Variants in PRIM2 observed in about 807,000 individuals in gnomAD.
The protein encoded by PRIM2 is DNA primase subunit 2, also known as DNA primase large subunit.
A neutral mutation model predicts 67.3 loss-of-function variants in PRIM2; 39 were observed. That is an observed-to-expected ratio of 0.58 (90% CI 0.45 to 0.76). The LOEUF is 0.76. Ranked by LOEUF, PRIM2 falls within the 30% of genes least tolerant of loss-of-function variation. The pLI is 0.00. For synonymous variants in PRIM2, 143 were observed against 198.7 expected (o/e 0.72, Z 2.36); for missense variants, 398 against 598.7 (o/e 0.66, Z 3.50).
chr6:57,459,245 A>T (rs1772917181), intron 7 of PRIM2, among the ~76,000 whole-genome samples: 2 of 152,204 alleles, frequency 1.3e-5, no homozygotes, highest in Admixed American at 1.3e-4. Context: ...TGCTCAGGGT[A>T]GCACTCAACA....
upstream of PRIM2, among the ~76,000 whole-genome samples, chr6:57,315,651 G>A (rs532695343): frequency 2.9e-4 from 44 of 152,022 alleles, no homozygotes; most frequent in Middle Eastern, 3.4e-3. Context: ...TTGTGTCTTA[G>A]GATTTTTTTC....
intron 8 of PRIM2, among the ~76,000 whole-genome samples, chr6:57,512,604 T>C (rs1299789907): frequency 7.0e-6 from 1 of 142,646 alleles, no homozygotes; most frequent in Non-Finnish European, 1.5e-5. Flanking sequence ...TTTCTTTTCT[T>C]TTTTTTTGAG....
At chr6:57,452,769 G>A (rs1437632196) in intron 7 of PRIM2, among the ~76,000 whole-genome samples, 1 of 87,166 alleles carries the variant, frequency 1.1e-5, no homozygotes, top group African/African-American at 4.2e-5. Flanking sequence ...CTTTTGCTGT[G>A]CAGAAGCTCT....
chr6:57,501,024 T>A (rs1774119102), intron 7 of PRIM2, among the ~76,000 whole-genome samples: 1 of 152,184 alleles, frequency 6.6e-6, no homozygotes, highest in Non-Finnish European at 1.5e-5. Context: ...GCTTTCACTG[T>A]CCCTAGTCTC....
At chr6:57,267,990 A>G in the PRIM2 span, among the ~76,000 whole-genome samples, 2 of 152,108 alleles carry the variant, frequency 1.3e-5, 1 homozygote, top group Non-Finnish European at 2.9e-5. Context: ...ATGAGAACAG[A>G]AACATAATCC....
intron 12 of PRIM2, among the ~76,000 whole-genome samples, chr6:57,610,181 G>A (rs1260688380): frequency 2.6e-5 from 4 of 152,026 alleles, no homozygotes; most frequent in African/African-American, 7.2e-5. Flanking sequence ...TGATTCTCCC[G>A]CCTCAGCATC....
chr6:57,557,315 C>T (rs1466665397), intron 10 of PRIM2, among the ~76,000 whole-genome samples: 12 of 151,206 alleles, frequency 7.9e-5, no homozygotes, highest in Non-Finnish European at 1.5e-4. Flanking sequence ...GACATATGCA[C>T]GCGAATGTTC....
At chr6:57,432,126 C>A (rs1771853647) in intron 7 of PRIM2, among the ~76,000 whole-genome samples, 1 of 152,044 alleles carries the variant, frequency 6.6e-6, no homozygotes, top group Non-Finnish European at 1.5e-5. Flanking sequence ...TTTGAGGTTT[C>A]TTTTTGTTTG....
At chr6:57,626,620 A>G (rs1776952364) in intron 12 of PRIM2, among the ~76,000 whole-genome samples, 1 of 149,924 alleles carries the variant, frequency 6.7e-6, no homozygotes, top group Non-Finnish European at 1.5e-5. Context: ...TGAAAACTGC[A>G]TTGCTTTTTT....
At chr6:57,485,928 T>C (rs1773742776) in intron 7 of PRIM2, among the ~76,000 whole-genome samples, 1 of 152,154 alleles carries the variant, frequency 6.6e-6, no homozygotes, top group Admixed American at 6.5e-5. Flanking sequence ...CAAAGCAGCA[T>C]AGGAGTGTGT....
chr6:57,578,173 A>G (rs1414926262), intron 10 of PRIM2, among the ~76,000 whole-genome samples: 1 of 152,196 alleles, frequency 6.6e-6, no homozygotes, highest in African/African-American at 2.4e-5. Context: ...CTCTAAGGGC[A>G]TGTGATATCA....
chr6:57,580,693 T>G (rs1356747391), intron 10 of PRIM2, among the ~76,000 whole-genome samples: 2 of 152,194 alleles, frequency 1.3e-5, no homozygotes, highest in Admixed American at 1.3e-4. Context: ...GTCAAAGAAT[T>G]CTTTCAAGGT....
At chr6:57,641,394 C>G (rs1777230747) in intron 13 of PRIM2, among the ~76,000 whole-genome samples, 1 of 152,094 alleles carries the variant, frequency 6.6e-6, no homozygotes, top group Non-Finnish European at 1.5e-5. Context: ...TAAATGAGAT[C>G]TAATTAAACT....
At chr6:57,355,382 T>G (rs1768999605) in intron 5 of PRIM2, among the ~76,000 whole-genome samples, 1 of 151,786 alleles carries the variant, frequency 6.6e-6, no homozygotes, top group Non-Finnish European at 1.5e-5. Context: ...GCTCCCTTTA[T>G]AGGTTACCAA....
chr6:57,255,179 G>A, the PRIM2 span, among the ~76,000 whole-genome samples: 2 of 151,924 alleles, frequency 1.3e-5, no homozygotes, highest in Non-Finnish European at 2.9e-5. Flanking sequence ...CCATACTGCC[G>A]AGGATCCATA....
chr6:57,244,160 C>T, the PRIM2 span, among the ~76,000 whole-genome samples: 28 of 152,154 alleles, frequency 1.8e-4, no homozygotes, highest in Admixed American at 1.8e-3. Flanking sequence ...AGAAACCAGC[C>T]ATATTGACCG....
chr6:57,229,694 G>A, the PRIM2 span, among the ~76,000 whole-genome samples: 1 of 152,092 alleles, frequency 6.6e-6, no homozygotes, highest in African/African-American at 2.4e-5. Flanking sequence ...GTTTCACCAT[G>A]TTGGCCAGGC....
At chr6:57,235,729 C>T in the PRIM2 span, among the ~76,000 whole-genome samples, 3 of 152,002 alleles carry the variant, frequency 2.0e-5, no homozygotes, top group East Asian at 5.8e-4. Context: ...CCAAGTGGGC[C>T]CAGTGCAAGC....
chr6:57,449,867 GTGGA>G (rs1581915378), intron 7 of PRIM2, among the ~76,000 whole-genome samples: 1 of 152,120 alleles, frequency 6.6e-6, no homozygotes, highest in Non-Finnish European at 1.5e-5. Flanking sequence ...CACTGTTGTG[GTGGA>G]ACTACCATTG....
Sources: allele counts gnomAD v4.1 joint callset (sites outside exome capture counted in the v4.1 genomes callset), GRCh38; gene constraint gnomAD v4.1.1; transcripts MANE v1.5; gene names NCBI Gene and HGNC (gene_info 2026-07-23, HGNC 2026-07-21).